Variants in EML1 observed in about 807,000 individuals in gnomAD.
The protein encoded by EML1 is EMAP like 1.
Under a neutral mutation model 110.4 loss-of-function variants are expected in EML1, and 27 were observed. The observed-to-expected ratio is 0.24, with a 90% CI of 0.18 to 0.34. The LOEUF is 0.34. Ranked by LOEUF, EML1 falls within the 10% of genes least tolerant of loss-of-function variation. The probability of loss-of-function intolerance (pLI) is 1.00; values close to 1 mark genes in which losing one functional copy is unlikely to be tolerated. For missense variants in EML1, 741 were observed against 1,030.9 expected (o/e 0.72, Z 3.85); for synonymous variants, 344 against 385.8 (o/e 0.89, Z 1.27).
chr14:99,878,315 G>A (rs1186856149), intron 3 of EML1, among the ~76,000 whole-genome samples, 170 bp from the exon 4 acceptor site: 1 of 152,184 alleles, frequency 6.6e-6, no homozygotes, highest in East Asian at 1.9e-4. Context: ...AGAGAGAGCA[G>A]AGATGTTATT....
At chr14:99,743,062 C>T (rs149900961) in intron 1 of EML1, among the ~76,000 whole-genome samples, 1,927 of 152,300 alleles carry the variant, frequency 0.013, 16 homozygotes, top group Middle Eastern at 0.041. Context: ...AGTCCCCCTT[C>T]AGTGCCCCTC....
intron 17 of EML1, among the ~76,000 whole-genome samples, chr14:99,924,899 G>T (rs1191834027): frequency 6.6e-6 from 1 of 152,102 alleles, no homozygotes. Context: ...TTAATTTTCA[G>T]ATGTTGAACC....
Position 99,898,317 on chromosome 14 carries a change from C to CT in EML1, c.897+19dup. ...AGGATGGAAAAGTGAGTTACGTTAC[C>CT]TTTTCATTGTTTCATAATGAACTGG... On this transcript the variant is annotated intron_variant, in intron 8 of 21. Transcript: ENST00000262233. 1 of 1,606,552 alleles carries CT rather than the reference C, an allele frequency of 6.2e-7. No homozygotes were observed. The highest frequency in any genetic ancestry group is 1.7e-5 in the Admixed American group (1 of 59,128).
chr14:99,742,409 A>G (rs2057053409), intron 1 of EML1, among the ~76,000 whole-genome samples: 1 of 152,168 alleles, frequency 6.6e-6, no homozygotes, highest in Non-Finnish European at 1.5e-5. Flanking sequence ...GGCTTGCTTC[A>G]GTGCAGTGGG....
chr14:99,775,293 G>C (rs1391621879), intron 1 of EML1, among the ~76,000 whole-genome samples: 2 of 152,190 alleles, frequency 1.3e-5, no homozygotes, highest in Non-Finnish European at 2.9e-5. Flanking sequence ...AGGCCACAGA[G>C]GACTGTCACA....
chr14:99,750,835 G>A (rs532869768), intron 1 of EML1, among the ~76,000 whole-genome samples: 2 of 151,996 alleles, frequency 1.3e-5, no homozygotes, highest in Non-Finnish European at 2.9e-5. Context: ...TCAGGGCTTC[G>A]ACCTCTGCCC....
At chr14:99,793,949 C>T (rs2139664836) in intron 1 of EML1, among the ~76,000 whole-genome samples, 1 of 152,148 alleles carries the variant, frequency 6.6e-6, no homozygotes, top group South Asian at 2.1e-4. Flanking sequence ...ATGAAGAACT[C>T]GGGAAACAAA....
chr14:99,759,350 A>C (rs1471383726), intron 1 of EML1, among the ~76,000 whole-genome samples: 1 of 152,214 alleles, frequency 6.6e-6, no homozygotes, highest in Admixed American at 6.5e-5. Flanking sequence ...CGCTTGGCTT[A>C]AAGCTGCTTC....
intron 14 of EML1, 58 bp from the exon 15 acceptor site, chr14:99,914,508 C>G: frequency 6.5e-7 from 1 of 1,548,716 alleles, no homozygotes. Flanking sequence ...TCCCTTACGG[C>G]TCCTGAGTGC....
At chr14:99,840,155 A>G (rs913859118) in intron 1 of EML1, among the ~76,000 whole-genome samples, 1 of 152,222 alleles carries the variant, frequency 6.6e-6, no homozygotes, top group Non-Finnish European at 1.5e-5. Context: ...TTATCTGCAA[A>G]TTATTGAGCA....
chr14:99,820,783 T>C (rs1374777107), intron 1 of EML1, among the ~76,000 whole-genome samples: 1 of 152,094 alleles, frequency 6.6e-6, no homozygotes, highest in Non-Finnish European at 1.5e-5. Context: ...TGCTGTAAAC[T>C]GAACTGAAGT....
intron 1 of EML1, among the ~76,000 whole-genome samples, chr14:99,764,924 TG>T (rs2057352646): frequency 6.6e-6 from 1 of 152,086 alleles, no homozygotes; most frequent in Non-Finnish European, 1.5e-5. Flanking sequence ...TCGTTTTTGT[TG>T]TTGTTGGTGT....
At chr14:99,787,268 CT>C (rs34680462) in intron 1 of EML1, among the ~76,000 whole-genome samples, 8,511 of 101,392 alleles carry the variant, frequency 0.084, 193 homozygotes, top group East Asian at 0.3. Flanking sequence ...CTCTGAGATT[CT>C]TTTTTTTTTT....
At chr14:99,895,135 A>T (rs887432223) in intron 6 of EML1, among the ~76,000 whole-genome samples, 2 of 152,116 alleles carry the variant, frequency 1.3e-5, no homozygotes, top group African/African-American at 4.8e-5. Flanking sequence ...TCTGGTCCGA[A>T]TTTTATTCTT....
At chr14:99,823,304 G>A (rs2058295560) in intron 1 of EML1, among the ~76,000 whole-genome samples, 1 of 151,942 alleles carries the variant, frequency 6.6e-6, no homozygotes, top group Admixed American at 6.6e-5. Flanking sequence ...CCTGCACGTG[G>A]GTGGTGTCGG....
chr14:99,782,383 C>A (rs1418545596), intron 1 of EML1, among the ~76,000 whole-genome samples: 1 of 152,134 alleles, frequency 6.6e-6, no homozygotes, highest in African/African-American at 2.4e-5. Context: ...CTGGAGCCAG[C>A]GCCTGATGGT....
At chr14:99,829,304 A>G (rs774755513) in intron 1 of EML1, among the ~76,000 whole-genome samples, 2 of 151,676 alleles carry the variant, frequency 1.3e-5, no homozygotes, top group African/African-American at 4.8e-5. Context: ...TTGCTGTTGC[A>G]CTCTCATGAG....
intron 3 of EML1, among the ~76,000 whole-genome samples, chr14:99,866,164 C>CA (rs2059094725): frequency 6.6e-6 from 1 of 152,182 alleles, no homozygotes; most frequent in Admixed American, 6.5e-5. Context: ...ATTTTAGGGC[C>CA]AGGTGCAGTG....
At chr14:99,929,741 C>T (rs1293607566) in intron 17 of EML1, among the ~76,000 whole-genome samples, 2 of 152,194 alleles carry the variant, frequency 1.3e-5, no homozygotes, top group African/African-American at 2.4e-5. Flanking sequence ...GATGCCCAAA[C>T]ACAGATTGTC....
Sources: allele counts gnomAD v4.1 joint callset (sites outside exome capture counted in the v4.1 genomes callset), GRCh38; gene constraint gnomAD v4.1.1; transcripts MANE v1.5; gene names NCBI Gene and HGNC (gene_info 2026-07-23, HGNC 2026-07-21).